The following NBPF26 variants were observed in gnomAD, a reference collection of about 807,000 sequenced individuals.
The protein encoded by NBPF26 is NBPF family member NBPF26.
A neutral mutation model predicts 119.6 loss-of-function variants in NBPF26; 79 were observed. The ratio of observed to expected loss-of-function variants is 0.66; its 90% CI spans 0.55 to 0.80. NBPF26 has a LOEUF of 0.80. Ranked by LOEUF, NBPF26 falls within the 30% of genes least tolerant of loss-of-function variation. The pLI, the probability that NBPF26 is intolerant of heterozygous loss-of-function variation, is 0.00. For synonymous variants in NBPF26, 299 were observed against 457.7 expected, an observed-to-expected ratio of 0.65 and a Z score of 4.43; for missense variants, 800 against 1,198.2, an observed-to-expected ratio of 0.67 and a Z score of 4.91.
chr1:120,820,447 AATATAT>A (rs1229895629), intron 15 of NBPF26, among the ~76,000 whole-genome samples: 627 of 10,840 alleles, frequency 0.058, 126 homozygotes, highest in South Asian at 0.17. Flanking sequence ...AAGTATTAAA[AATATAT>A]ATATATATAT....
intron 23 of NBPF26, among the ~76,000 whole-genome samples, chr1:120,833,185 A>G (rs1229317568): frequency 8.5e-6 from 1 of 118,336 alleles, no homozygotes; most frequent in Non-Finnish European, 1.7e-5. Context: ...CCACAGGTTG[A>G]CCATACTTCA....
chr1:120,726,883 C>T (rs1351742998), intron 1 of NBPF26, among the ~76,000 whole-genome samples: 1 of 114,694 alleles, frequency 8.7e-6, no homozygotes, highest in South Asian at 2.5e-4. Context: ...CCTACTGCCT[C>T]TCCTGTAGGC....
chr1:120,805,358 G>A (rs1651655297), intron 4 of NBPF26, 198 bp from the exon 5 acceptor site: 6 of 1,053,792 alleles, frequency 5.7e-6, no homozygotes, highest in East Asian at 2.5e-5. Flanking sequence ...TGAGCTACTG[G>A]CAGTGCTTTC....
At chr1:120,838,570 C>A (rs1162802341) in intron 27 of NBPF26, among the ~76,000 whole-genome samples, 175 bp from the exon 34 acceptor site, 1 of 63,778 alleles carries the variant, frequency 1.6e-5, no homozygotes, top group Non-Finnish European at 2.8e-5. Context: ...CTCTTTCATT[C>A]TTTTCCATTT....
In NBPF26 at chr1:120,840,563, G is replaced by C. The variant is rs1652495651; in HGVS notation, c.4317G>C (p.Val1439=). ...TGACGGTGACAAGTCTCCACCTGGTGTTCCAGATGGGAGTCATATTCCCAC... is the reference window on the plus strand; with the variant it reads ...TGACGGTGACAAGTCTCCACCTGGTCTTCCAGATGGGAGTCATATTCCCAC... The change falls in exon 30 of 30, where the codon GTG becomes GTC. Residue 1439 remains valine, a synonymous_variant. Coordinates refer to ENST00000620612, the Ensembl canonical transcript of NBPF26. 10 of 1,465,524 alleles carry C rather than the reference G, an allele frequency of 6.8e-6. 1 individual carries two copies. In the African/African-American group the frequency reaches 1.2e-4, roughly 18 times the overall value. The allele number at this position is 1,465,524 out of a possible 1,614,324, so 90.8% of individuals were successfully genotyped here.
chr1:120,723,977 C>T lies in NBPF26; in HGVS notation c.-201C>T. 3.5e-6 allele frequency: 4 copies of T among 1,147,570 alleles called. 2 individuals carry two copies. The South Asian group carries it at 7.4e-5, about 21-fold the overall frequency. The allele number at this position is 1,147,570 out of a possible 1,614,324, so 71.1% of individuals were successfully genotyped here. On this transcript the variant is annotated 5_prime_UTR_variant, in exon 1 of 30. Transcript: ENST00000620612. ...CTTCCGGCGGCGGCTGAGGCGGCGGCCGAGGAGCGGCGGACTCGGGGCGCG... is the reference window on the plus strand; with the variant it reads ...CTTCCGGCGGCGGCTGAGGCGGCGGTCGAGGAGCGGCGGACTCGGGGCGCG...
intron 2 of NBPF26, among the ~76,000 whole-genome samples, chr1:120,765,051 G>C (rs1651175017): frequency 1.0e-5 from 1 of 97,806 alleles, no homozygotes; most frequent in Non-Finnish European, 1.9e-5. Flanking sequence ...ATTTTAAGCT[G>C]TGATGACAGT....
Position 120,840,569 on chromosome 1 carries a change from G to C in NBPF26, c.4323G>C (p.Gln1441His), listed in dbSNP as rs1652495838. ...TGACAAGTCTCCACCTGGTGTTCCA[G>C]ATGGGAGTCATATTCCCACAATAAG... The change falls in exon 30 of 30, where the codon CAG (glutamine) becomes CAC (histidine). Residue 1441 changes from glutamine (Q) to histidine (H), a missense_variant. Physicochemically the swap from Gln to His is conservative, Grantham distance 24. Around this residue, in one of 13 missense-constraint regions of NBPF26, gnomAD observed 155 missense variants for 95.9 expected, o/e 1.62. Transcript: ENST00000620612. 13 of 1,465,304 alleles carry C rather than the reference G, an allele frequency of 8.9e-6. 4 individuals carry two copies. The highest frequency in any genetic ancestry group is 9.2e-6 in the Non-Finnish European group (10 of 1,085,582). 90.8% of individuals were successfully genotyped at this position (1,465,304 alleles called of 1,614,324 possible). A position where few individuals can be genotyped will look rare whatever the true frequency, so the allele number is the denominator to read the frequency against.
At chr1:120,820,463 T>A (rs1466618331) in intron 15 of NBPF26, among the ~76,000 whole-genome samples, 3 of 19,238 alleles carry the variant, frequency 1.6e-4, no homozygotes, top group Admixed American at 4.7e-4. Flanking sequence ...TATATATATA[T>A]ATATATATAT....
intron 17 of NBPF26, among the ~76,000 whole-genome samples, chr1:120,823,752 CTG>C (rs1177031452): frequency 0.19 from 13,891 of 73,316 alleles, 3,047 homozygotes; most frequent in East Asian, 0.46. Context: ...TGAGCTCGCT[CTG>C]TGTGTGTGTG....
chr1:120,813,881 C>G lies in NBPF26; in HGVS notation c.1775-10C>G. ...CTTCCACTGAGGCAGGTGTGTCTGTCTTTTCTCAGAATATGAAGAGTGCAA... is the reference window on the plus strand; with the variant it reads ...CTTCCACTGAGGCAGGTGTGTCTGTGTTTTCTCAGAATATGAAGAGTGCAA... On this transcript the variant is annotated splice_polypyrimidine_tract_variant and intron_variant, in intron 10 of 29. Transcript: ENST00000620612. 6.8e-7 allele frequency: 1 copy of G among 1,468,666 alleles called. No homozygotes were observed. Among genetic ancestry groups the G allele is most frequent in the East Asian group, 2.3e-5 (1 of 44,356 alleles). The allele number at this position is 1,468,666 out of a possible 1,614,324, so 91.0% of individuals were successfully genotyped here.
rs1228309073 is a variant in NBPF26 at position 120,777,901 on chromosome 1, T to C, written c.156-7073T>C. On this transcript the variant is annotated intron_variant, in intron 2 of 29. Coordinates refer to ENST00000620612, the Ensembl canonical transcript of NBPF26. ...GAGGTACTGAAAGGAGGGAGACCAG[T>C]GAGTTTAGACCAATAGGTGGGTTAG... Among the ~76,000 whole-genome samples the C allele has an allele frequency of 2.0e-5, 2 of 101,074 alleles. 1 individual carries two copies. The highest frequency in any genetic ancestry group is 1.3e-4 in the African/African-American group (2 of 15,418). The allele number at this position is 101,074 out of a possible 152,430, so 66.3% of individuals were successfully genotyped here.
At chr1:120,820,447 A>AATATATATATATAT (rs1229895629) in intron 15 of NBPF26, among the ~76,000 whole-genome samples, 3 of 10,830 alleles carry the variant, frequency 2.8e-4, no homozygotes, top group Non-Finnish European at 4.8e-4. Flanking sequence ...AAGTATTAAA[A>AATATATATATATAT]ATATATATAT....
rs1215466990 is a variant in NBPF26 at position 120,765,052 on chromosome 1, T to A, written c.155+1343T>A. Among the ~76,000 whole-genome samples, 5 of 99,754 alleles carry A rather than the reference T, an allele frequency of 5.0e-5. 2 individuals carry two copies. Among genetic ancestry groups the A allele is most frequent in the Non-Finnish European group, 9.4e-5 (5 of 53,406 alleles). The allele number at this position is 99,754 out of a possible 152,430, so 65.4% of individuals were successfully genotyped here. A position where few individuals can be genotyped will look rare whatever the true frequency, so the allele number is the denominator to read the frequency against. ...ACTAAAGTGAAAATATTTTAAGCTG[T>A]GATGACAGTAAAGCTTAACAATAGG... On this transcript the variant is annotated intron_variant, in intron 2 of 29. Coordinates refer to ENST00000620612, the Ensembl canonical transcript of NBPF26.
At chr1:120,811,345 A>C (rs1334209580) in intron 9 of NBPF26, among the ~76,000 whole-genome samples, 2,480 of 111,320 alleles carry the variant, frequency 0.022, 665 homozygotes, top group Non-Finnish European at 0.026. Flanking sequence ...CAGGAGTTCA[A>C]AACCAGCCTG....
rs1272569177 is a variant in NBPF26, at chr1:120,756,509, GA to G, written c.74-7112del. On this transcript the variant is annotated intron_variant, in intron 1 of 29. Coordinates refer to ENST00000620612, the Ensembl canonical transcript of NBPF26. ...ACACTGCAGATAGGGAGAAGGATAT[GA>G]AAAAAATCATGTGAGATAGACGACA... Among the ~76,000 whole-genome samples the G allele has an allele frequency of 2.6e-4, 30 of 116,826 alleles. 5 individuals carry two copies. The highest frequency in any genetic ancestry group is 2.4e-3 in the Admixed American group (30 of 12,298). 76.6% of individuals were successfully genotyped at this position (116,826 alleles called of 152,430 possible).
intron 15 of NBPF26, among the ~76,000 whole-genome samples, chr1:120,819,350 C>T (rs1652082157): frequency 8.8e-6 from 1 of 113,002 alleles, no homozygotes; most frequent in Non-Finnish European, 1.7e-5. Flanking sequence ...TCCTCCATCC[C>T]TTTATTTTGA....
intron 2 of NBPF26, among the ~76,000 whole-genome samples, chr1:120,768,618 A>C (rs1651221275): frequency 9.0e-6 from 1 of 110,578 alleles, no homozygotes. Flanking sequence ...AAAAAAAAAA[A>C]ACAAAACTGT....
intron 4 of NBPF26, among the ~76,000 whole-genome samples, chr1:120,798,589 CA>C (rs1651555870): frequency 8.6e-6 from 1 of 115,664 alleles, no homozygotes; most frequent in Non-Finnish European, 1.8e-5. Context: ...CTTGCATTCT[CA>C]CACTTGGGGG....
Sources: gnomAD v4.1 joint callset for allele counts (sites outside exome capture counted in the v4.1 genomes callset) on GRCh38, gnomAD v4.1.1 for gene constraint, gnomAD v4.1.1 regional missense constraint, MANE v1.5 for transcripts, NCBI Gene and HGNC (gene_info 2026-07-23, HGNC 2026-07-21) for gene names.